CNBD1: variants seen among roughly 807,000 people sequenced by gnomAD.
CNBD1 encodes the protein cyclic nucleotide binding domain containing 1.
CNBD1 carries 71 observed loss-of-function variants against 54.4 expected under a neutral mutation model. The observed-to-expected ratio is 1.30, with a 90% CI of 1.08 to 1.59. The LOEUF is 1.59. CNBD1 is among the 40% of genes most tolerant of loss of function. CNBD1 has a pLI of 0.00. For synonymous variants in CNBD1, 182 were observed against 170.7 expected (o/e 1.07, Z -0.51); for missense variants, 659 against 518.0 (o/e 1.27, Z -2.64).
At chr8:87,342,693 G>A (rs1281463162) in intron 8 of CNBD1, among the ~76,000 whole-genome samples, 2 of 152,082 alleles carry the variant, frequency 1.3e-5, no homozygotes, top group East Asian at 1.9e-4. Flanking sequence ...GCGACCTCGA[G>A]CTACAAAATC....
chr8:87,150,002 C>T (rs1342352043), intron 4 of CNBD1, among the ~76,000 whole-genome samples: 2 of 152,008 alleles, frequency 1.3e-5, no homozygotes, highest in East Asian at 1.9e-4. Flanking sequence ...GGTAAAACCA[C>T]GTCTTTACCA....
rs553347423 is a variant in CNBD1 at position 87,347,691 on chromosome 8, T to G, written c.1043-3994T>G. ...GTAAATGTATGGTTTAATTGGTTATTGGGCTGGACATCAAATCTGGATAAT... is the reference window on the plus strand; with the variant it reads ...GTAAATGTATGGTTTAATTGGTTATGGGGCTGGACATCAAATCTGGATAAT... On this transcript the variant is annotated intron_variant, in intron 8 of 10. Transcript: ENST00000518476. Among the ~76,000 whole-genome samples the G allele has an allele frequency of 1.2e-4, 18 of 152,262 alleles. No individual in the cohort carries two copies. In the South Asian group the frequency reaches 3.7e-3, roughly 32 times the overall value.
intron 5 of CNBD1, among the ~76,000 whole-genome samples, chr8:87,212,987 A>G (rs1361956712): frequency 6.6e-6 from 1 of 152,202 alleles, no homozygotes; most frequent in Non-Finnish European, 1.5e-5. Context: ...AATATGAATA[A>G]CTTGTAAACC....
intron 2 of CNBD1, among the ~76,000 whole-genome samples, chr8:87,399,796 T>C (rs968384535): frequency 6.6e-6 from 1 of 151,944 alleles, no homozygotes; most frequent in African/African-American, 2.4e-5. Flanking sequence ...AGTGATTATT[T>C]AACTCAACTG....
At chr8:87,212,325 C>T (rs140243719) in intron 5 of CNBD1, among the ~76,000 whole-genome samples, 1 of 152,078 alleles carries the variant, frequency 6.6e-6, no homozygotes, top group Admixed American at 6.5e-5. Context: ...AACAGAAATA[C>T]CAATTGTCTT....
chr8:87,182,984 T>A lies in CNBD1; in HGVS notation c.432-23009T>A, dbSNP rs567263240. ...GACATGAAATTTTTGCTAAGTCCTATGTTCAGAATGTCATTTCCTAGTTTT... is the reference window on the plus strand; with the variant it reads ...GACATGAAATTTTTGCTAAGTCCTAAGTTCAGAATGTCATTTCCTAGTTTT... On this transcript the variant is annotated intron_variant, in intron 4 of 10. Transcript: ENST00000518476. This position sits in a 1 kb window ranked among gnomAD's most constrained non-coding sequence, Gnocchi z 4.1. 5.3e-4 allele frequency among the ~76,000 whole-genome samples: 80 copies of A among 152,308 alleles called. No individual in the cohort carries two copies. Among genetic ancestry groups the A allele is most frequent in the African/African-American group, 1.9e-3 (78 of 41,574 alleles).
intron 2 of CNBD1, among the ~76,000 whole-genome samples, chr8:87,424,125 C>A (rs1409961966): frequency 3.3e-5 from 5 of 151,854 alleles, no homozygotes; most frequent in Non-Finnish European, 5.9e-5. Context: ...TGGTGATATC[C>A]CCTTTATCAT....
chr8:87,382,515 C>A (rs1811099472), intron 10 of CNBD1, 105 bp from the exon 11 acceptor site: 1 of 848,720 alleles, frequency 1.2e-6, no homozygotes, highest in Non-Finnish European at 1.9e-6. Context: ...AGCATAACCC[C>A]TCTGACTCAG....
intron 7 of CNBD1, 126 bp downstream of exon 7, chr8:87,284,941 T>C: frequency 3.0e-6 from 2 of 674,176 alleles, no homozygotes; most frequent in East Asian, 3.0e-5. Flanking sequence ...CTAGAGACCA[T>C]AAAAATGTTA....
At chr8:87,138,355 C>T (rs1812301994) in intron 4 of CNBD1, among the ~76,000 whole-genome samples, 1 of 152,142 alleles carries the variant, frequency 6.6e-6, no homozygotes, top group African/African-American at 2.4e-5. Flanking sequence ...ACCCAGATGC[C>T]TCATTCAGTG....
Position 87,222,900 on chromosome 8 carries a change from C to T in CNBD1, c.578-14019C>T, listed in dbSNP as rs1036428541. ...TTCACAAGTCCTCATGAGAATGGTT[C>T]TTTGATTTTTCATGTAATAGAAACT... On this transcript the variant is annotated intron_variant, in intron 5 of 10. Coordinates refer to ENST00000518476, the MANE Select transcript of CNBD1 (RefSeq NM_173538.3). 2.2e-4 allele frequency among the ~76,000 whole-genome samples: 34 copies of T among 152,066 alleles called. 1 individual carries two copies. In the South Asian group the frequency reaches 3.1e-3, roughly 14 times the overall value.
intron 4 of CNBD1, among the ~76,000 whole-genome samples, chr8:87,140,590 AT>A (rs1812352029): frequency 6.6e-6 from 1 of 152,192 alleles, no homozygotes; most frequent in Non-Finnish European, 1.5e-5. Flanking sequence ...TATTGAAGTC[AT>A]GAGATGGCAG....
chr8:87,203,876 G>A (rs888882808), intron 4 of CNBD1, among the ~76,000 whole-genome samples: 3 of 152,162 alleles, frequency 2.0e-5, no homozygotes, highest in Non-Finnish European at 4.4e-5. Flanking sequence ...AGGAAGAAAT[G>A]GAAACACATT....
intron 2 of CNBD1, among the ~76,000 whole-genome samples, chr8:87,418,698 T>C (rs1037382566): frequency 1.3e-5 from 2 of 151,832 alleles, no homozygotes; most frequent in Non-Finnish European, 2.9e-5. Context: ...AATAGACAAA[T>C]GATTTAAATA....
intron 5 of CNBD1, among the ~76,000 whole-genome samples, chr8:87,234,013 T>A (rs1807519047): frequency 6.6e-6 from 1 of 152,218 alleles, no homozygotes; most frequent in Admixed American, 6.5e-5. Context: ...GTAGATTTCA[T>A]CTAAAGAAAC....
intron 10 of CNBD1, among the ~76,000 whole-genome samples, chr8:87,370,196 A>C (rs373171688): frequency 1.3e-5 from 2 of 151,878 alleles, no homozygotes. Context: ...ATACGTGTGC[A>C]TGTGTCTTTA....
At chr8:87,362,841 A>G (rs942020928) in intron 10 of CNBD1, among the ~76,000 whole-genome samples, 12 of 152,104 alleles carry the variant, frequency 7.9e-5, no homozygotes, top group East Asian at 5.8e-4. Flanking sequence ...ACTTGGATCA[A>G]TCTTATGGAG....
chr8:87,020,457 G>T (rs1809462344), intron 4 of CNBD1, among the ~76,000 whole-genome samples: 1 of 152,168 alleles, frequency 6.6e-6, no homozygotes, highest in Non-Finnish European at 1.5e-5. Flanking sequence ...ATGCTGTTTA[G>T]TTGGCCTGCA....
intron 3 of CNBD1, among the ~76,000 whole-genome samples, chr8:86,905,726 C>T (rs1005556793): frequency 3.3e-5 from 5 of 152,050 alleles, no homozygotes; most frequent in Non-Finnish European, 5.9e-5. Flanking sequence ...GGTGTAACTG[C>T]CCTCTCAGTA....
Sources: gnomAD v4.1 joint callset for allele counts (sites outside exome capture counted in the v4.1 genomes callset) on GRCh38, gnomAD v4.1.1 for gene constraint, Gnocchi (gnomAD v3.1) non-coding constraint, MANE v1.5 for transcripts, NCBI Gene and HGNC (gene_info 2026-07-23, HGNC 2026-07-21) for gene names.